ECPAS: variants seen among roughly 807,000 people sequenced by gnomAD.
ECPAS encodes the protein proteasome adapter and scaffold protein ECM29.
In ECPAS, 70 loss-of-function variants were observed where a neutral mutation model predicts 255.1. The observed-to-expected ratio is 0.27, with a 90% confidence interval of 0.23 to 0.33. The LOEUF (loss-of-function observed/expected upper bound fraction) is 0.33. Among genes scored for constraint, ECPAS ranks in the 10% least tolerant of loss-of-function variants. The pLI, the probability that ECPAS is intolerant of heterozygous loss-of-function variation, is 1.00. For synonymous variants in ECPAS, 784 were observed against 775.0 expected (o/e 1.01, Z -0.19); for missense variants, 1,817 against 2,206.4 (o/e 0.82, Z 3.54).
intron 2 of ECPAS, among the ~76,000 whole-genome samples, chr9:111,468,654 C>A (rs898257919): frequency 3.5e-4 from 47 of 134,888 alleles, no homozygotes; most frequent in South Asian, 1.5e-3. Context: ...AGAGAGAGAG[C>A]GAGCGTGTGT....
chr9:111,411,115 G>C lies in ECPAS; in HGVS notation c.2242C>G (p.Leu748Val), dbSNP rs766113053. ...CTTCCCACCGTGAATCCCAATGCAA[G>C]CAAGGATCCATGCTGTATCTCCGGG... ...HSPEIQHGSL[L>V]ALGFTVGRYL... Residue 748 changes from leucine to valine, a missense_variant, in exon 22 of 50, where the codon CTT (leucine) becomes GTT (valine). Physicochemically the swap from Leu to Val is conservative, Grantham distance 32 (BLOSUM62 1). Around this residue, in one of 4 missense-constraint regions of ECPAS, gnomAD observed 194 missense variants for 152.8 expected, o/e 1.27. Transcript: ENST00000684092. 4 of 1,613,660 alleles carry C rather than the reference G, an allele frequency of 2.5e-6. No homozygotes were observed. Among genetic ancestry groups the C allele is most frequent in the Admixed American group, 3.3e-5 (2 of 60,002 alleles).
chr9:111,438,552 G>C (rs1367572420), intron 6 of ECPAS, among the ~76,000 whole-genome samples: 1 of 152,166 alleles, frequency 6.6e-6, no homozygotes, highest in African/African-American at 2.4e-5. Flanking sequence ...AGGCTGCATT[G>C]AGTTACCACT....
At chr9:111,446,953 A>G (rs2098253898) in intron 3 of ECPAS, among the ~76,000 whole-genome samples, 1 of 152,176 alleles carries the variant, frequency 6.6e-6, no homozygotes, top group South Asian at 2.1e-4. Context: ...GATCTGTGAT[A>G]CCGCTAGGCG....
At chr9:111,391,517 G>A (rs2131610956) in intron 29 of ECPAS, among the ~76,000 whole-genome samples, 1 of 151,196 alleles carries the variant, frequency 6.6e-6, no homozygotes, top group East Asian at 2.0e-4. Flanking sequence ...GGAGGCGGAG[G>A]TTGCAGTGAG....
intron 39 of ECPAS, 103 bp downstream of exon 39, chr9:111,373,869 A>T: frequency 1.2e-6 from 1 of 830,922 alleles, no homozygotes; most frequent in Non-Finnish European, 2.0e-6. Context: ...GGCACACAGC[A>T]TCACAAGCAG....
At chr9:111,369,742 T>TGGG (rs869103373) in intron 45 of ECPAS, among the ~76,000 whole-genome samples, 1 of 151,220 alleles carries the variant, frequency 6.6e-6, no homozygotes, top group African/African-American at 2.4e-5. Flanking sequence ...CCCTTTTTTT[T>TGGG]GGGGGGGGGA....
chr9:111,418,664 T>A (rs2098208292), intron 16 of ECPAS, among the ~76,000 whole-genome samples: 1 of 152,224 alleles, frequency 6.6e-6, no homozygotes, highest in Non-Finnish European at 1.5e-5. Flanking sequence ...GGTTCTAACC[T>A]AAGAAGGAAA....
intron 2 of ECPAS, among the ~76,000 whole-genome samples, chr9:111,467,690 ATAT>A (rs1484677325): frequency 7.2e-5 from 11 of 152,234 alleles, no homozygotes; most frequent in Non-Finnish European, 1.5e-4. Flanking sequence ...CTACAGAAAT[ATAT>A]TACACTATAA....
chr9:111,403,576 A>G (rs1205246367), intron 24 of ECPAS, among the ~76,000 whole-genome samples: 1 of 149,864 alleles, frequency 6.7e-6, no homozygotes. Flanking sequence ...TTATAAATAT[A>G]TATGCAAACA....
chr9:111,418,270 A>G (rs1343103310), intron 16 of ECPAS, among the ~76,000 whole-genome samples: 1 of 152,182 alleles, frequency 6.6e-6, no homozygotes, highest in African/African-American at 2.4e-5. Flanking sequence ...ACTTTAAGTA[A>G]ATTATTATGT....
Position 111,472,947 on chromosome 9 carries a change from G to C in ECPAS, c.-29C>G, listed in dbSNP as rs1060932. 8.1e-7 allele frequency: 1 copy of C among 1,242,000 alleles called. No individual in the cohort carries two copies. Among genetic ancestry groups the C allele is most frequent in the South Asian group, 1.5e-5 (1 of 68,728 alleles). 76.9% of individuals were successfully genotyped at this position (1,242,000 alleles called of 1,614,324 possible). ...TTATCCAATCTTGACAAAAATCCTC[G>C]GGATCACCAATGGTACGTTCATCCA... On this transcript the variant is annotated 5_prime_UTR_variant, in exon 2 of 50. Coordinates refer to ENST00000684092, the MANE Select transcript of ECPAS (RefSeq NM_001364929.1).
chr9:111,441,376 G>T (rs1308083700), intron 5 of ECPAS, among the ~76,000 whole-genome samples: 1 of 151,584 alleles, frequency 6.6e-6, no homozygotes. Flanking sequence ...ATGGTAGCAG[G>T]CATCTGTAAT....
chr9:111,373,021 G>A (rs1392647352), intron 41 of ECPAS, 149 bp downstream of exon 41: 4 of 728,982 alleles, frequency 5.5e-6, no homozygotes, highest in Non-Finnish European at 9.1e-6. Flanking sequence ...GACAAAGCCA[G>A]ACACCATCTC....
chr9:111,471,836 C>CTCACACCTA (rs2098288594), intron 2 of ECPAS, among the ~76,000 whole-genome samples: 1 of 152,178 alleles, frequency 6.6e-6, no homozygotes, highest in South Asian at 2.1e-4. Flanking sequence ...GGCATGGTGG[C>CTCACACCTA]TCACACCTAA....
In ECPAS at chr9:111,421,913, G is replaced by A. The variant is rs373136161; in HGVS notation, c.1455+8C>T. On this transcript the variant is annotated splice_region_variant and intron_variant, in intron 15 of 49. Coordinates refer to ENST00000684092, the MANE Select transcript of ECPAS (RefSeq NM_001364929.1). The stretch of plus-strand genomic sequence containing the variant: ...ACTACCCAGGCTTTGTAGTTCACAC[G>A]GACCTACCTTTATTAAGTACGAAGC... 111 of 1,612,392 alleles carry A rather than the reference G, an allele frequency of 6.9e-5. No homozygotes were observed. Among genetic ancestry groups the A allele is most frequent in the South Asian group, 2.2e-5 (2 of 90,836 alleles).
At chr9:111,445,154 C>T (rs2098251243) in intron 3 of ECPAS, among the ~76,000 whole-genome samples, 1 of 151,756 alleles carries the variant, frequency 6.6e-6, no homozygotes, top group African/African-American at 2.4e-5. Flanking sequence ...CGCCATCACG[C>T]CTGGCTAATT....
At chr9:111,400,561 A>T (rs545859989) in intron 24 of ECPAS, among the ~76,000 whole-genome samples, 1 of 152,222 alleles carries the variant, frequency 6.6e-6, no homozygotes. Context: ...TCAGAAACTT[A>T]TAAGAGAAAT....
intron 2 of ECPAS, among the ~76,000 whole-genome samples, chr9:111,452,353 A>G (rs2098261420): frequency 6.6e-6 from 1 of 152,218 alleles, no homozygotes; most frequent in Non-Finnish European, 1.5e-5. Flanking sequence ...CTGCGTGATT[A>G]TAGAGATAAA....
At chr9:111,428,792 A>T (rs887054989) in intron 9 of ECPAS, among the ~76,000 whole-genome samples, 1 of 152,162 alleles carries the variant, frequency 6.6e-6, no homozygotes, top group Non-Finnish European at 1.5e-5. Context: ...TTGAAACCAT[A>T]TCAATGAACT....
Sources: allele counts gnomAD v4.1 joint callset (sites outside exome capture counted in the v4.1 genomes callset), GRCh38; gene constraint gnomAD v4.1.1; regional missense constraint gnomAD v4.1.1; transcripts MANE v1.5; gene names NCBI Gene and HGNC (gene_info 2026-07-23, HGNC 2026-07-21).